RAB11FIP5: variants seen among roughly 807,000 people sequenced by gnomAD.
The protein encoded by RAB11FIP5 is rab11 family-interacting protein 5.
A neutral mutation model predicts 85.1 loss-of-function variants in RAB11FIP5; 48 were observed. That is an observed-to-expected ratio of 0.56 (90% CI 0.45 to 0.72). The LOEUF (loss-of-function observed/expected upper bound fraction) is 0.72. RAB11FIP5 is among the 30% of genes least tolerant of loss of function. The probability of loss-of-function intolerance (pLI) is 0.00; values close to 1 mark genes in which losing one functional copy is unlikely to be tolerated. For synonymous variants in RAB11FIP5, 729 were observed against 727.3 expected (o/e 1.00, Z -0.04); for missense variants, 1,491 against 1,687.0 (o/e 0.88, Z 2.04).
At position 73,112,669 on chromosome 2, in the gene RAB11FIP5, C is replaced by T; in HGVS notation, c.109G>A (p.Gly37Arg). ...TACGCGTCGCTGGTGCTGCCCGCTC[C>T]CGAGCTCTTGCCCCGCAGCCCGCGG... ...RARGLRGKSS[G>R]AGSTSDAYTV... The change falls in exon 1 of 6, where the codon GGA becomes AGA. Residue 37 changes from glycine to arginine, a missense_variant. Around this residue, in one of 3 missense-constraint regions of RAB11FIP5, gnomAD observed 1,211 missense variants for 1,338.0 expected, o/e 0.91. Coordinates refer to ENST00000486777, the MANE Select transcript of RAB11FIP5 (RefSeq NM_001371272.1). 1.3e-6 allele frequency: 2 copies of T among 1,594,320 alleles called. No homozygotes were observed. Among genetic ancestry groups the T allele is most frequent in the Non-Finnish European group, 1.7e-6 (2 of 1,172,308 alleles).
Position 73,075,785 on chromosome 2 carries a change from C to T in RAB11FIP5, c.3772-61G>A, listed in dbSNP as rs1683847103. 2 of 1,517,158 alleles carry T rather than the reference C, an allele frequency of 1.3e-6. No individual in the cohort carries two copies. Among genetic ancestry groups the T allele is most frequent in the Admixed American group, 4.0e-5 (2 of 50,514 alleles). 94.0% of individuals were successfully genotyped at this position (1,517,158 alleles called of 1,614,324 possible). Reference sequence around the variant, plus strand: ...CTAGGCCTGCCTGCCTGCCTGCCCGCTTGCCCGCCCGCCCGCCTGCCCACC... The same window carrying T: ...CTAGGCCTGCCTGCCTGCCTGCCCGTTTGCCCGCCCGCCCGCCTGCCCACC... On this transcript the variant is annotated intron_variant, in intron 5 of 5. Transcript: ENST00000486777. The surrounding 1 kb of genome is among the most constrained non-coding windows in gnomAD (Gnocchi z 4.6).
Position 73,086,199 on chromosome 2 carries a change from C to A in RAB11FIP5, c.1568+1851G>T, listed in dbSNP as rs116329071. ...CCTCCCACCCCATCTGCATGCACGG[C>A]CACAGAGCCTGGCCCTGCAGCCGCC... On this transcript the variant is annotated intron_variant, in intron 3 of 5. Transcript: ENST00000486777. The surrounding 1 kb of genome is among the most constrained non-coding windows in gnomAD (Gnocchi z 4.4). Among the ~76,000 whole-genome samples, 400 of 152,340 alleles carry A rather than the reference C, an allele frequency of 2.6e-3. No homozygotes were observed. Among genetic ancestry groups the A allele is most frequent in the African/African-American group, 9.3e-3 (387 of 41,578 alleles).
At position 73,078,511 on chromosome 2, in the gene RAB11FIP5, C is replaced by T. The variant is rs1416127364; in HGVS notation, c.3581+1140G>A. ...TCACCACCACCACCAGGGAGGGACACTGGGGGCAGCCTGGACTCCCTCCCA... is the reference window on the plus strand; with the variant it reads ...TCACCACCACCACCAGGGAGGGACATTGGGGGCAGCCTGGACTCCCTCCCA... On this transcript the variant is annotated intron_variant, in intron 4 of 5. Transcript: ENST00000486777. The surrounding 1 kb of genome is among the most constrained non-coding windows in gnomAD (Gnocchi z 4.4). Among the ~76,000 whole-genome samples the T allele has an allele frequency of 6.6e-6, 1 of 152,218 alleles. No homozygotes were observed. Among genetic ancestry groups the T allele is most frequent in the Non-Finnish European group, 1.5e-5 (1 of 68,026 alleles).
chr2:73,112,770 A>G lies in RAB11FIP5; in HGVS notation c.8T>C (p.Leu3Pro). MA[L>P]VRGAEPAAGP... ...CGCCGCCGGCTCCGCGCCCCGCACC[A>G]GGGCCATGGCGGAGAAGCGGGGGGC... The change falls in exon 1 of 6, where the codon CTG (leucine) becomes CCG (proline). Residue 3 changes from leucine (L) to proline (P), a missense_variant. Coordinates refer to ENST00000486777, the MANE Select transcript of RAB11FIP5 (RefSeq NM_001371272.1). 2.1e-6 allele frequency: 3 copies of G among 1,444,894 alleles called. No individual in the cohort carries two copies. The East Asian group carries it at 8.2e-5, about 40-fold the overall frequency. 89.5% of individuals were successfully genotyped at this position (1,444,894 alleles called of 1,614,324 possible).
chr2:73,082,541 C>T (rs890911285), intron 3 of RAB11FIP5, among the ~76,000 whole-genome samples: 2 of 152,146 alleles, frequency 1.3e-5, no homozygotes, highest in African/African-American at 2.4e-5. Flanking sequence ...TGAGGGGCAG[C>T]CTAACTGGCT....
chr2:73,092,438 ATGTTT>A (rs1684235063), intron 1 of RAB11FIP5, among the ~76,000 whole-genome samples: 1 of 152,156 alleles, frequency 6.6e-6, no homozygotes, highest in Non-Finnish European at 1.5e-5. Flanking sequence ...TCCTATTTGA[ATGTTT>A]TATAAGGAGC....
rs898333094 is a variant in RAB11FIP5 at position 73,080,986 on chromosome 2, C to G, written c.2246G>C (p.Gly749Ala). The G allele has an allele frequency of 8.9e-6, 11 of 1,232,314 alleles. No homozygotes were observed. The African/African-American group carries it at 1.4e-4, about 16-fold the overall frequency. The allele number at this position is 1,232,314 out of a possible 1,614,324, so 76.3% of individuals were successfully genotyped here. The change falls in exon 4 of 6, where the codon GGC (glycine) becomes GCC (alanine). Residue 749 changes from glycine to alanine, a missense_variant. Physicochemically the swap from Gly to Ala is moderately conservative, Grantham distance 60. Transcript: ENST00000486777. Reference sequence around the variant, plus strand: ...TAGCTGGGCTGACGAGGAGGGCAGGCCAGCCCCTACCGACCCGAGGAGCCC... The same window carrying G: ...TAGCTGGGCTGACGAGGAGGGCAGGGCAGCCCCTACCGACCCGAGGAGCCC... The part of the protein sequence containing the change: ...DPGLLGSVGA[G>A]LPSSSAQLQL...
intron 1 of RAB11FIP5, among the ~76,000 whole-genome samples, chr2:73,107,490 G>C (rs1000149111): frequency 2.0e-5 from 3 of 152,156 alleles, no homozygotes; most frequent in African/African-American, 7.2e-5. Flanking sequence ...AGAGACAGGT[G>C]GGGCAGAGAT....
At position 73,086,033 on chromosome 2, in the gene RAB11FIP5, C is replaced by G. The variant is rs1684085379; in HGVS notation, c.1568+2017G>C. Among the ~76,000 whole-genome samples, 1 of 152,204 alleles carries G rather than the reference C, an allele frequency of 6.6e-6. No homozygotes were observed. The highest frequency in any genetic ancestry group is 6.5e-5 in the Admixed American group (1 of 15,286). On this transcript the variant is annotated intron_variant, in intron 3 of 5. Coordinates refer to ENST00000486777, the MANE Select transcript of RAB11FIP5 (RefSeq NM_001371272.1). This position sits in a 1 kb window ranked among gnomAD's most constrained non-coding sequence, Gnocchi z 4.4. ...TCCTCAGAGGCCCTAAGCAAGCCCT[C>G]TGGGGAAGCGCCAACAGTCCTTTCT...
chr2:73,095,317 G>A (rs775252619), intron 1 of RAB11FIP5, among the ~76,000 whole-genome samples: 6 of 152,238 alleles, frequency 3.9e-5, no homozygotes, highest in Non-Finnish European at 8.8e-5. Flanking sequence ...AGAGGCACAC[G>A]CAGCTACTGA....
chr2:73,105,521 G>A (rs1341353726), intron 1 of RAB11FIP5, among the ~76,000 whole-genome samples: 1 of 152,002 alleles, frequency 6.6e-6, no homozygotes, highest in African/African-American at 2.4e-5. Context: ...GGGATTACAG[G>A]CATGAGCCAC....
chr2:73,112,207 A>G, intron 1 of RAB11FIP5, 140 bp downstream of exon 1: 2 of 1,051,326 alleles, frequency 1.9e-6, no homozygotes, highest in South Asian at 3.9e-5. Flanking sequence ...AATGCGAAGA[A>G]CCAACGTTTC....
chr2:73,083,162 G>A (rs1264726467), intron 3 of RAB11FIP5, among the ~76,000 whole-genome samples: 2 of 152,366 alleles, frequency 1.3e-5, no homozygotes, highest in Non-Finnish European at 2.9e-5. Flanking sequence ...AGCCCATAAG[G>A]AGTGTGGCTT....
At chr2:73,091,885 TAGGAACAGATGGTGCCACAGGC>T (rs1684219755) in intron 1 of RAB11FIP5, among the ~76,000 whole-genome samples, 1 of 151,864 alleles carries the variant, frequency 6.6e-6, no homozygotes, top group Non-Finnish European at 1.5e-5. Flanking sequence ...GAAGGCCGGG[TAGGAACAGATGGTGCCACAGGC>T]AGGGCGGACA....
At position 73,076,223 on chromosome 2, in the gene RAB11FIP5, G is replaced by A. The variant is rs186289869; in HGVS notation, c.3582-41C>T. Reference sequence around the variant, plus strand: ...AGAGATGGGTTACACAGAGAGAAGGGTGGCACGGGTCAAAGGTGGGGCTGC... The same window carrying A: ...AGAGATGGGTTACACAGAGAGAAGGATGGCACGGGTCAAAGGTGGGGCTGC... On this transcript the variant is annotated intron_variant, in intron 4 of 5. Coordinates refer to ENST00000486777, the MANE Select transcript of RAB11FIP5 (RefSeq NM_001371272.1). 1.5e-4 allele frequency: 225 copies of A among 1,520,228 alleles called. 1 individual carries two copies. The East Asian group carries it at 3.5e-3, about 23-fold the overall frequency. The allele number at this position is 1,520,228 out of a possible 1,614,324, so 94.2% of individuals were successfully genotyped here.
intron 1 of RAB11FIP5, among the ~76,000 whole-genome samples, chr2:73,091,081 C>G (rs959661899): frequency 3.9e-5 from 6 of 152,080 alleles, no homozygotes; most frequent in Middle Eastern, 6.8e-3. Context: ...AAAAAGAGAG[C>G]AGGGAACACA....
intron 1 of RAB11FIP5, among the ~76,000 whole-genome samples, chr2:73,099,059 T>C (rs1684380762): frequency 6.6e-6 from 1 of 150,600 alleles, no homozygotes; most frequent in Admixed American, 6.6e-5. Flanking sequence ...TTCTTTTTTT[T>C]TTTTTTTGAG....
chr2:73,088,472 G>T lies in RAB11FIP5; in HGVS notation c.1146C>A (p.Ser382=), dbSNP rs1684137088. 1 of 1,613,976 alleles carries T rather than the reference G, an allele frequency of 6.2e-7. No individual in the cohort carries two copies. The highest frequency in any genetic ancestry group is 8.5e-7 in the Non-Finnish European group (1 of 1,180,048). The change falls in exon 3 of 6, where the codon TCC becomes TCA. Residue 382 remains serine, a synonymous_variant. Transcript: ENST00000486777. ...SSRFSEEGPR[S]TDDTWPRGSR... is the part of the protein sequence containing the mutation. ...TGCCTCTGGGCCAGGTGTCATCTGT[G>T]GAACGAGGCCCCTCCTCGGAGAACC...
At chr2:73,108,634 G>T (rs749054798) in intron 1 of RAB11FIP5, among the ~76,000 whole-genome samples, 1 of 152,164 alleles carries the variant, frequency 6.6e-6, no homozygotes, top group Non-Finnish European at 1.5e-5. Flanking sequence ...AGACCAAAAA[G>T]GTCCAAATGA....
Sources: allele counts gnomAD v4.1 joint callset (sites outside exome capture counted in the v4.1 genomes callset), GRCh38; gene constraint gnomAD v4.1.1; regional missense constraint gnomAD v4.1.1; non-coding constraint Gnocchi (gnomAD v3.1); transcripts MANE v1.5; gene names NCBI Gene and HGNC (gene_info 2026-07-23, HGNC 2026-07-21).